The following RBPMS variants were observed in gnomAD, a reference collection of about 807,000 sequenced individuals.
The protein encoded by RBPMS is RNA binding protein, mRNA processing factor, also known as RNA-binding protein with multiple splicing.
In RBPMS, 7 loss-of-function variants were observed where a neutral mutation model predicts 26.8. That is an observed-to-expected ratio of 0.26 (90% confidence interval 0.15 to 0.49). RBPMS has a LOEUF of 0.49. RBPMS is among the 20% of genes least tolerant of loss of function. The probability of loss-of-function intolerance (pLI) is 0.98; values close to 1 mark genes in which losing one functional copy is unlikely to be tolerated. For synonymous variants in RBPMS, 96 were observed against 93.3 expected, an observed-to-expected ratio of 1.03 and a Z score of -0.17; for missense variants, 186 against 250.0, an observed-to-expected ratio of 0.74 and a Z score of 1.73.
intron 1 of RBPMS, chr8:30,385,530 G>GC (rs574496716): frequency 1.6e-5 from 3 of 186,810 alleles, no homozygotes; most frequent in African/African-American, 7.5e-5. Context: ...ATTCAGGGTC[G>GC]GGGGGGGAGC....
chr8:30,558,616 T>G (rs1188282101), intron 6 of RBPMS: 4 of 550,476 alleles, frequency 7.3e-6, no homozygotes, highest in Non-Finnish European at 9.9e-6. Context: ...AAAAGGAGGA[T>G]GAGAGCAGAG....
intron 5 of RBPMS, among the ~76,000 whole-genome samples, chr8:30,527,043 A>G (rs994647654): frequency 1.3e-5 from 2 of 152,212 alleles, no homozygotes; most frequent in African/African-American, 2.4e-5. Context: ...CTTCTGATAC[A>G]TACTTACAAA....
Position 30,434,074 on chromosome 8 carries a change from A to G in RBPMS, c.67-40705A>G, listed in dbSNP as rs571110411. Among the ~76,000 whole-genome samples the G allele has an allele frequency of 1.6e-4, 24 of 152,114 alleles. 1 individual carries two copies. Among genetic ancestry groups the G allele is most frequent in the Admixed American group, 2.6e-4 (4 of 15,268 alleles). ...GGAGCTTGCAGTGAGCCAAGTTTACACCACTGCACTCCAGCCTGGGTAACA... is the reference window on the plus strand; with the variant it reads ...GGAGCTTGCAGTGAGCCAAGTTTACGCCACTGCACTCCAGCCTGGGTAACA... On this transcript the variant is annotated intron_variant, in intron 1 of 8. Transcript: ENST00000397323.
At chr8:30,544,365 T>C in intron 5 of RBPMS, 129 bp from the exon 6 acceptor site, 1 of 900,480 alleles carries the variant, frequency 1.1e-6, no homozygotes, top group Non-Finnish European at 1.8e-6. Flanking sequence ...AAACAACAGG[T>C]TGTTAAAAGA....
intron 5 of RBPMS, among the ~76,000 whole-genome samples, chr8:30,518,051 G>A (rs1822542463): frequency 6.6e-6 from 1 of 152,222 alleles, no homozygotes; most frequent in Non-Finnish European, 1.5e-5. Context: ...CATTTGTTCT[G>A]TGAATAGGAG....
At chr8:30,496,018 TG>T (rs1479253314) in intron 4 of RBPMS, among the ~76,000 whole-genome samples, 9 of 152,196 alleles carry the variant, frequency 5.9e-5, no homozygotes, top group Admixed American at 1.3e-4. Context: ...TTTTTTCATC[TG>T]TGTTGGGAAG....
At position 30,549,455 on chromosome 8, in the gene RBPMS, A is replaced by G. The variant is rs1040786637; in HGVS notation, c.528+4831A>G. On this transcript the variant is annotated intron_variant, in intron 6 of 8. Coordinates refer to ENST00000397323, the MANE Select transcript of RBPMS (RefSeq NM_001008710.3). ...CTTCCATTGTTTTCAGACATAAATG[A>G]AATTGTTAATCCTCTGACATTTACC... The G allele has an allele frequency of 8.6e-6, 13 of 1,503,200 alleles. No homozygotes were observed. In the African/African-American group the frequency reaches 1.8e-4, roughly 21 times the overall value. 93.1% of individuals were successfully genotyped at this position (1,503,200 alleles called of 1,614,324 possible). A position where few individuals can be genotyped will look rare whatever the true frequency, so the allele number is the denominator to read the frequency against.
At chr8:30,535,251 C>G (rs1824660679) in intron 5 of RBPMS, among the ~76,000 whole-genome samples, 1 of 152,124 alleles carries the variant, frequency 6.6e-6, no homozygotes, top group Non-Finnish European at 1.5e-5. Flanking sequence ...GTTGTAGGCA[C>G]TTTGTAATAT....
At chr8:30,457,982 G>A (rs569832684) in intron 1 of RBPMS, among the ~76,000 whole-genome samples, 5 of 152,224 alleles carry the variant, frequency 3.3e-5, no homozygotes, top group South Asian at 4.1e-4. Context: ...TGGGGGGATC[G>A]GTTCCAGGAC....
intron 4 of RBPMS, among the ~76,000 whole-genome samples, chr8:30,498,460 A>G (rs971051392): frequency 7.2e-5 from 11 of 152,242 alleles, no homozygotes; most frequent in South Asian, 2.1e-4. Context: ...ATGCATAGGC[A>G]AAGTGGAGAC....
At chr8:30,481,304 T>C (rs1002684053) in intron 4 of RBPMS, among the ~76,000 whole-genome samples, 4 of 151,550 alleles carry the variant, frequency 2.6e-5, no homozygotes, top group Non-Finnish European at 4.4e-5. Flanking sequence ...TTTGTTTTAA[T>C]GTTTAAATGA....
chr8:30,481,697 C>G (rs1157790733), intron 4 of RBPMS, among the ~76,000 whole-genome samples: 1 of 152,148 alleles, frequency 6.6e-6, no homozygotes, highest in Non-Finnish European at 1.5e-5. Context: ...AGGGAAAATT[C>G]GTATTTACCT....
rs375997997 is a variant in RBPMS at position 30,529,264 on chromosome 8, A to AT, written c.398-15222dup. ...AAAATATATATGACATAAACCTGCC[A>AT]TTTTTTTTAGTGTACAATTCAGTGA... On this transcript the variant is annotated intron_variant, in intron 5 of 8. Transcript: ENST00000397323. 6.7e-3 allele frequency among the ~76,000 whole-genome samples: 1,018 copies of AT among 151,836 alleles called. 17 individuals carry two copies. The highest frequency in any genetic ancestry group is 0.023 in the African/African-American group (943 of 41,386).
At chr8:30,479,629 G>A (rs530131799) in intron 4 of RBPMS, among the ~76,000 whole-genome samples, 1 of 152,174 alleles carries the variant, frequency 6.6e-6, no homozygotes, top group East Asian at 1.9e-4. Context: ...TGATGATGTG[G>A]GTCTTATTTT....
At chr8:30,476,661 A>C (rs1157049800) in intron 2 of RBPMS, among the ~76,000 whole-genome samples, 1 of 152,176 alleles carries the variant, frequency 6.6e-6, no homozygotes, top group Non-Finnish European at 1.5e-5. Flanking sequence ...TCTTTTAATT[A>C]AAGTCCCTGG....
intron 1 of RBPMS, among the ~76,000 whole-genome samples, chr8:30,443,558 G>A (rs1585480326): frequency 6.6e-6 from 1 of 151,820 alleles, no homozygotes; most frequent in Admixed American, 6.6e-5. Flanking sequence ...TGAAATCCTT[G>A]GGGTCGGATG....
intron 1 of RBPMS, among the ~76,000 whole-genome samples, chr8:30,422,695 A>G (rs1368970264): frequency 6.6e-6 from 1 of 152,220 alleles, no homozygotes; most frequent in Non-Finnish European, 1.5e-5. Context: ...AAATTTAAAT[A>G]GATACCTGAG....
At chr8:30,469,472 G>A (rs1174148160) in intron 1 of RBPMS, among the ~76,000 whole-genome samples, 1 of 152,218 alleles carries the variant, frequency 6.6e-6, no homozygotes, top group East Asian at 1.9e-4. Context: ...GCCCAGCACA[G>A]GATGATTTTT....
At chr8:30,535,920 T>C (rs1458307196) in intron 5 of RBPMS, among the ~76,000 whole-genome samples, 1 of 152,180 alleles carries the variant, frequency 6.6e-6, no homozygotes, top group Admixed American at 6.5e-5. Context: ...GTAGTGCACA[T>C]TGATGATCAC....
Sources: allele counts gnomAD v4.1 joint callset (sites outside exome capture counted in the v4.1 genomes callset), GRCh38; gene constraint gnomAD v4.1.1; transcripts MANE v1.5; gene names NCBI Gene and HGNC (gene_info 2026-07-23, HGNC 2026-07-21).